EVC2: variants seen among roughly 807,000 people sequenced by gnomAD.
EVC2 encodes limbin.
EVC2 carries 148 observed loss-of-function variants against 149.3 expected under a neutral mutation model. The observed-to-expected ratio is 0.99, with a 90% CI of 0.87 to 1.14. EVC2 has a LOEUF of 1.14. Ranked by LOEUF, EVC2 falls within the 50% of genes most tolerant of loss-of-function variation. The pLI, the probability that EVC2 is intolerant of heterozygous loss-of-function variation, is 0.00. For synonymous variants in EVC2, 776 were observed against 649.9 expected, an observed-to-expected ratio of 1.19 and a Z score of -2.95; for missense variants, 1,854 against 1,627.3, an observed-to-expected ratio of 1.14 and a Z score of -2.40.
Position 5,691,339 on chromosome 4 carries a change from A to AT in EVC2, c.451-7dup, listed in dbSNP as rs773527971. ...TCTCTTGAAATGTCCCCATACTACAATAAAATGTAAAAGTTATTAGAAAAT... is the reference window on the plus strand; with the variant it reads ...TCTCTTGAAATGTCCCCATACTACAATTAAAATGTAAAAGTTATTAGAAAAT... On this transcript the variant is annotated splice_polypyrimidine_tract_variant and splice_region_variant and intron_variant, in intron 3 of 21. Coordinates refer to ENST00000344408, the MANE Select transcript of EVC2 (RefSeq NM_147127.5). The AT allele has an allele frequency of 6.2e-7, 1 of 1,606,740 alleles. No homozygotes were observed. Among genetic ancestry groups the AT allele is most frequent in the East Asian group, 2.2e-5 (1 of 44,764 alleles).
rs1487848673 is a variant in EVC2 at position 5,618,658 on chromosome 4, G to A, written c.2526C>T (p.Ser842=). 4 of 1,606,596 alleles carry A rather than the reference G, an allele frequency of 2.5e-6. No individual in the cohort carries two copies. Among genetic ancestry groups the A allele is most frequent in the African/African-American group, 1.3e-5 (1 of 74,746 alleles). The change falls in exon 15 of 22, where the codon TCC becomes TCT. Residue 842 remains serine, a synonymous_variant. Transcript: ENST00000344408. This position sits in a 1 kb window ranked among gnomAD's most constrained non-coding sequence, Gnocchi z 4.4. The part of the protein sequence containing the change: ...IFMKLCSSVF[S]LSEEELLRMR... ...TCCTGAGCAGCTCCTCTTCAGACAG[G>A]GAGAAGACTGAGGAGCAGAGCTTCC... is the stretch of plus-strand genomic sequence containing the variant.
Position 5,640,353 on chromosome 4 carries a change from G to C in EVC2, c.1470+161C>G, listed in dbSNP as rs1717229552. The stretch of plus-strand genomic sequence containing the variant: ...GATGGATGGACGGTGGGAATGGTTG[G>C]ATGAATGAATGGAAGGATGAATAGA... On this transcript the variant is annotated intron_variant, in intron 10 of 21. Transcript: ENST00000344408. This position sits in a 1 kb window ranked among gnomAD's most constrained non-coding sequence, Gnocchi z 4.6. Among the ~76,000 whole-genome samples the C allele has an allele frequency of 6.6e-6, 1 of 152,056 alleles. No individual in the cohort carries two copies. The highest frequency in any genetic ancestry group is 2.4e-5 in the African/African-American group (1 of 41,400).
At chr4:5,533,407 TG>T in the EVC2 span, among the ~76,000 whole-genome samples, 4 of 151,732 alleles carry the variant, frequency 2.6e-5, no homozygotes, top group Non-Finnish European at 4.4e-5. Flanking sequence ...GCAGAGCCAG[TG>T]GGGGGTGGAG....
chr4:5,584,625 G>A lies in EVC2; in HGVS notation c.3055C>T (p.Arg1019Trp), dbSNP rs139610006. ...ACTQILESHS[R>W]ELQELERKLE... ...TCCTTCCCAGCGCCTGCACTCACCC[G>A]GCTGTGCGACTCCAGGATCTGTGTG... is the stretch of plus-strand genomic sequence containing the variant. The change falls in exon 17 of 22, where the codon CGG becomes TGG. Residue 1019 changes from arginine to tryptophan, a missense_variant and splice_region_variant. Physicochemically the swap from Arg to Trp is moderately radical, Grantham distance 101. Transcript: ENST00000344408. 32 of 1,612,706 alleles carry A rather than the reference G, an allele frequency of 2.0e-5. No homozygotes were observed. The highest frequency in any genetic ancestry group is 8.3e-5 in the Admixed American group (5 of 59,920).
intron 16 of EVC2, among the ~76,000 whole-genome samples, chr4:5,598,735 A>G (rs1204561590): frequency 6.6e-6 from 1 of 152,196 alleles, no homozygotes; most frequent in African/African-American, 2.4e-5. Flanking sequence ...TCATTAAACT[A>G]AAGAGCTTCT....
chr4:5,708,561 C>G (rs765782860), upstream of EVC2: 5 of 1,322,750 alleles, frequency 3.8e-6, no homozygotes, highest in South Asian at 8.4e-5. Flanking sequence ...CGCCGAGTCG[C>G]TGGAGCTTCC....
At chr4:5,617,671 G>A (rs970567039) in intron 15 of EVC2, among the ~76,000 whole-genome samples, 151 of 152,200 alleles carry the variant, frequency 9.9e-4, no homozygotes, top group Non-Finnish European at 9.6e-4. Context: ...GCTCAGGGAA[G>A]GCTTCCTAGT....
chr4:5,611,195 G>A (rs769882453), intron 16 of EVC2, among the ~76,000 whole-genome samples: 16 of 152,194 alleles, frequency 1.1e-4, no homozygotes, highest in Admixed American at 6.5e-4. Context: ...ACACTGCACA[G>A]AGGGCTGAGG....
intron 9 of EVC2, among the ~76,000 whole-genome samples, chr4:5,649,713 T>C (rs1185184039): frequency 3.3e-5 from 5 of 152,176 alleles, no homozygotes; most frequent in South Asian, 4.1e-4. Flanking sequence ...ATCTGGCATC[T>C]TCAAGGTAGC....
chr4:5,598,147 G>A (rs1713626567), intron 16 of EVC2, among the ~76,000 whole-genome samples: 1 of 151,650 alleles, frequency 6.6e-6, no homozygotes, highest in Non-Finnish European at 1.5e-5. Flanking sequence ...TACTGCCCAA[G>A]GTAATTTATA....
At chr4:5,695,221 G>C (rs574802943) in intron 2 of EVC2, among the ~76,000 whole-genome samples, 1 of 152,128 alleles carries the variant, frequency 6.6e-6, no homozygotes, top group Non-Finnish European at 1.5e-5. Flanking sequence ...GGTGGTGTGC[G>C]CCTGTAGTCC....
At chr4:5,538,920 A>G (rs1466681857), downstream of EVC2, among the ~76,000 whole-genome samples, 1 of 152,202 alleles carries the variant, frequency 6.6e-6, no homozygotes, top group Non-Finnish European at 1.5e-5. Context: ...TCACCAACTC[A>G]TTAAACATTG....
In EVC2 at chr4:5,694,397, A is replaced by G; in HGVS notation, c.388T>C (p.Phe130Leu). The G allele has an allele frequency of 6.2e-7, 1 of 1,614,194 alleles. No homozygotes were observed. The highest frequency in any genetic ancestry group is 8.5e-7 in the Non-Finnish European group (1 of 1,180,028). ...TTCTTCTTAGGCCAGGAGGGTATAA[A>G]AGCAAATAAGGAATGAGCCCATGGC... ...SGPWAHSLFA[F>L]IPSWPKKNLF... Residue 130 changes from phenylalanine (F) to leucine (L), a missense_variant, in exon 3 of 22, where the codon TTT (phenylalanine) becomes CTT (leucine). Transcript: ENST00000344408.
intron 16 of EVC2, among the ~76,000 whole-genome samples, chr4:5,592,384 C>A (rs1023798038): frequency 6.6e-6 from 1 of 152,192 alleles, no homozygotes; most frequent in Non-Finnish European, 1.5e-5. Flanking sequence ...CCACTAGCAA[C>A]AACCTCCAGT....
rs1233479114 is a variant in EVC2 at position 5,584,741 on chromosome 4, T to A, written c.2939A>T (p.Glu980Val). 1.2e-6 allele frequency: 2 copies of A among 1,614,024 alleles called. No individual in the cohort carries two copies. The highest frequency in any genetic ancestry group is 2.7e-5 in the African/African-American group (2 of 74,920). ...GAGGGCGGTGTAGGCCGACAGAGTC[T>A]CGGTCACCCGGGACGCCTTCTGGAA... ...LQFQKASRVT[E>V]TLSAYTALLS... is the part of the protein sequence containing the mutation. The change falls in exon 17 of 22, where the codon GAG (glutamate) becomes GTG (valine). Residue 980 changes from glutamate (E) to valine (V), a missense_variant. Glu to Val is a moderately radical substitution (Grantham distance 121). Transcript: ENST00000344408.
At chr4:5,650,620 T>A (rs1456455651) in intron 9 of EVC2, among the ~76,000 whole-genome samples, 2 of 81,368 alleles carry the variant, frequency 2.5e-5, no homozygotes, top group Non-Finnish European at 2.6e-5. Flanking sequence ...TATATATATA[T>A]ATATATATAT....
intron 6 of EVC2, among the ~76,000 whole-genome samples, chr4:5,681,921 G>A (rs1027150825): frequency 3.9e-4 from 59 of 152,134 alleles, no homozygotes; most frequent in African/African-American, 1.2e-3. Context: ...CTGACAGGCT[G>A]TCTATAGGGT....
In EVC2 at chr4:5,670,364, T is replaced by A. The variant is rs986892074; in HGVS notation, c.871-4715A>T. ...ACCACAATGACTGTCACCACCACCA[T>A]CACCACCATCATTATCAACATCATC... is the stretch of plus-strand genomic sequence containing the variant. On this transcript the variant is annotated intron_variant, in intron 7 of 21. Transcript: ENST00000344408. This position sits in a 1 kb window ranked among gnomAD's most constrained non-coding sequence, Gnocchi z 5.2. Among the ~76,000 whole-genome samples the A allele has an allele frequency of 2.6e-5, 4 of 151,750 alleles. No homozygotes were observed. Among genetic ancestry groups the A allele is most frequent in the Non-Finnish European group, 4.4e-5 (3 of 67,906 alleles).
chr4:5,574,359 C>T (rs999262213), intron 19 of EVC2, among the ~76,000 whole-genome samples: 4 of 152,232 alleles, frequency 2.6e-5, no homozygotes, highest in Admixed American at 6.5e-5. Context: ...TTTTCTCTTA[C>T]CCACTTTCTT....
Sources: allele counts gnomAD v4.1 joint callset (sites outside exome capture counted in the v4.1 genomes callset), GRCh38; gene constraint gnomAD v4.1.1; non-coding constraint Gnocchi (gnomAD v3.1); transcripts MANE v1.5; gene names NCBI Gene and HGNC (gene_info 2026-07-23, HGNC 2026-07-21).